Variants in ABCC1 observed in about 807,000 individuals in gnomAD.
The protein encoded by ABCC1 is ATP binding cassette subfamily C member 1 (ABCC1 blood group).
ABCC1 carries 83 observed loss-of-function variants against 172.9 expected under a neutral mutation model. The ratio of observed to expected loss-of-function variants is 0.48; its 90% CI spans 0.40 to 0.58. The LOEUF is 0.58. ABCC1 is among the 20% of genes least tolerant of loss of function. The probability of loss-of-function intolerance (pLI) is 0.00; values close to 1 mark genes in which losing one functional copy is unlikely to be tolerated. For missense variants in ABCC1, 1,817 were observed against 2,002.7 expected (o/e 0.91, Z 1.77); for synonymous variants, 937 against 825.2 (o/e 1.14, Z -2.32).
chr16:16,008,539 A>G (rs1477776104), intron 2 of ABCC1, among the ~76,000 whole-genome samples: 2 of 151,472 alleles, frequency 1.3e-5, no homozygotes, highest in Non-Finnish European at 2.9e-5. Flanking sequence ...TTTATTTTGA[A>G]ATAATTTAAA....
At chr16:16,069,987 T>G (rs1307122802) in intron 13 of ABCC1, among the ~76,000 whole-genome samples, 1 of 152,090 alleles carries the variant, frequency 6.6e-6, no homozygotes, top group Admixed American at 6.5e-5. Context: ...GAGCCGAGAT[T>G]GTGCCACTGC....
intron 29 of ABCC1, 105 bp from the exon 30 acceptor site, chr16:16,138,259 A>G (rs2045990035): frequency 4.6e-6 from 5 of 1,083,678 alleles, no homozygotes; most frequent in African/African-American, 1.6e-5. Flanking sequence ...TTCCTGGTCA[A>G]GCAACATAGA....
intron 1 of ABCC1, among the ~76,000 whole-genome samples, chr16:15,989,427 A>T (rs1261051984): frequency 6.6e-6 from 1 of 152,224 alleles, no homozygotes; most frequent in African/African-American, 2.4e-5. Context: ...AGATGTTTTC[A>T]GGAGTGCGGT....
rs10580146 is a variant in ABCC1 at position 16,034,023 on chromosome 16, C to CTTTTTTTTTTTTTT, written c.677+862_677+875dup. 9.1e-4 allele frequency among the ~76,000 whole-genome samples: 79 copies of CTTTTTTTTTTTTTT among 86,832 alleles called. 7 individuals carry two copies. The highest frequency in any genetic ancestry group is 1.3e-3 in the Admixed American group (7 of 5,542). The allele number at this position is 86,832 out of a possible 152,430, so 57.0% of individuals were successfully genotyped here. On this transcript the variant is annotated intron_variant, in intron 6 of 30. Transcript: ENST00000399410. ...TTTTTTTGCCCCTAATAAGCATCAT[C>CTTTTTTTTTTTTTT]TTTTTTTTTTTTTTTTTTTTTTGAG...
At chr16:16,010,986 C>G (rs1048312014) in intron 3 of ABCC1, among the ~76,000 whole-genome samples, 1 of 152,190 alleles carries the variant, frequency 6.6e-6, no homozygotes, top group African/African-American at 2.4e-5. Flanking sequence ...GTAATCCCAG[C>G]ACTTTGGGAG....
At chr16:15,955,538 G>A (rs1012604485) in intron 1 of ABCC1, among the ~76,000 whole-genome samples, 2 of 152,114 alleles carry the variant, frequency 1.3e-5, no homozygotes, top group Non-Finnish European at 2.9e-5. Flanking sequence ...TGGCCTCCCT[G>A]ACCTCTTCTC....
intron 12 of ABCC1, among the ~76,000 whole-genome samples, chr16:16,065,325 G>C (rs2050070723): frequency 6.6e-6 from 1 of 152,150 alleles, no homozygotes; most frequent in South Asian, 2.1e-4. Flanking sequence ...CGGGGGCACA[G>C]TAATAGCTCA....
At chr16:15,983,847 C>T (rs1177308306) in intron 1 of ABCC1, among the ~76,000 whole-genome samples, 7 of 152,096 alleles carry the variant, frequency 4.6e-5, no homozygotes, top group South Asian at 2.1e-4. Context: ...CAAGCCACCG[C>T]GCCTGGCCTT....
At chr16:15,969,132 A>T (rs1203720234) in intron 1 of ABCC1, among the ~76,000 whole-genome samples, 2 of 152,072 alleles carry the variant, frequency 1.3e-5, no homozygotes, top group Non-Finnish European at 2.9e-5. Context: ...TGAACCTGGG[A>T]GGAGGAGGTT....
chr16:16,122,381 T>C (rs959908326), intron 24 of ABCC1, among the ~76,000 whole-genome samples: 8 of 152,010 alleles, frequency 5.3e-5, no homozygotes, highest in African/African-American at 1.7e-4. Context: ...CCCGCGGCAT[T>C]TAAGTGCAGG....
intron 19 of ABCC1, among the ~76,000 whole-genome samples, chr16:16,100,370 G>T (rs890942065): frequency 1.3e-5 from 2 of 152,134 alleles, no homozygotes; most frequent in South Asian, 2.1e-4. Flanking sequence ...AGAGCGGGGG[G>T]GCTCTCTGCG....
chr16:16,139,482 C>T (rs185913511), intron 30 of ABCC1, among the ~76,000 whole-genome samples: 6 of 151,570 alleles, frequency 4.0e-5, no homozygotes, highest in Admixed American at 2.0e-4. Flanking sequence ...TGTGGTGGTG[C>T]GTGCCCATAA....
chr16:15,972,487 T>A (rs578163457), intron 1 of ABCC1, among the ~76,000 whole-genome samples: 39 of 152,280 alleles, frequency 2.6e-4, no homozygotes, highest in South Asian at 1.7e-3. Context: ...GGCCCCTAAA[T>A]GGCTGCTACA....
At position 16,068,318 on chromosome 16, in the gene ABCC1, G is replaced by A; in HGVS notation, c.1824+16G>A. On this transcript the variant is annotated intron_variant, in intron 13 of 30. Coordinates refer to ENST00000399410, the MANE Select transcript of ABCC1 (RefSeq NM_004996.4). The stretch of plus-strand genomic sequence containing the variant: ...CATCGTGCAGGTACAGGGGGAAGCT[G>A]GGGCGACTTCCGAGAGGGGGCCTTG... 1 of 1,612,984 alleles carries A rather than the reference G, an allele frequency of 6.2e-7. No homozygotes were observed. Among genetic ancestry groups the A allele is most frequent in the Non-Finnish European group, 8.5e-7 (1 of 1,179,498 alleles).
intron 7 of ABCC1, among the ~76,000 whole-genome samples, chr16:16,041,736 T>C (rs1374867654): frequency 6.6e-6 from 1 of 152,126 alleles, no homozygotes; most frequent in Non-Finnish European, 1.5e-5. Context: ...ACGCCAGGGC[T>C]GGGGGCTCTG....
rs147161637 is a variant in ABCC1 at position 16,043,222 on chromosome 16, G to GTTTTT, written c.810-1211_810-1207dup. ...CTGTGTTGCTCTGGCTGGCTGGACT[G>GTTTTT]TTTTTTTTTTTTTTTTTTTTTCCAC... On this transcript the variant is annotated intron_variant, in intron 7 of 30. Transcript: ENST00000399410. Among the ~76,000 whole-genome samples, 80 of 89,488 alleles carry GTTTTT rather than the reference G, an allele frequency of 8.9e-4. 7 individuals carry two copies. The highest frequency in any genetic ancestry group is 3.1e-3 in the African/African-American group (61 of 19,688). 58.7% of individuals were successfully genotyped at this position (89,488 alleles called of 152,430 possible). A position where few individuals can be genotyped will look rare whatever the true frequency, so the allele number is the denominator to read the frequency against.
chr16:15,989,133 C>A (rs116076222), intron 1 of ABCC1, among the ~76,000 whole-genome samples: 1 of 150,176 alleles, frequency 6.7e-6, no homozygotes, highest in Non-Finnish European at 1.5e-5. Flanking sequence ...GTGTCTTGGA[C>A]GTGAGGATTT....
At chr16:16,070,844 A>G (rs2050318949) in intron 13 of ABCC1, among the ~76,000 whole-genome samples, 1 of 152,082 alleles carries the variant, frequency 6.6e-6, no homozygotes, top group Non-Finnish European at 1.5e-5. Context: ...GACCCCTTAC[A>G]TTCTACCCAC....
intron 7 of ABCC1, among the ~76,000 whole-genome samples, chr16:16,043,366 T>C (rs1319810495): frequency 2.0e-5 from 3 of 151,748 alleles, no homozygotes; most frequent in Non-Finnish European, 4.4e-5. Context: ...TGGTGTGGTC[T>C]CAGCTCACCA....
Sources: allele counts gnomAD v4.1 joint callset (sites outside exome capture counted in the v4.1 genomes callset), GRCh38; gene constraint gnomAD v4.1.1; transcripts MANE v1.5; gene names NCBI Gene and HGNC (gene_info 2026-07-23, HGNC 2026-07-21).